XIRP2: variants seen among roughly 807,000 people sequenced by gnomAD.
XIRP2 encodes the protein xin actin-binding repeat-containing protein 2.
In XIRP2, 236 loss-of-function variants were observed where a neutral mutation model predicts 277.0. The ratio of observed to expected loss-of-function variants is 0.85; its 90% CI spans 0.77 to 0.95. The LOEUF is 0.95. Ranked by LOEUF, XIRP2 falls within the 40% of genes least tolerant of loss-of-function variation. XIRP2 has a pLI of 0.00. For synonymous variants in XIRP2, 1,490 were observed against 1,416.5 expected (o/e 1.05, Z -1.17); for missense variants, 4,640 against 4,157.5 (o/e 1.12, Z -3.19).
At chr2:167,092,808 A>T (rs1316161252) in intron 2 of XIRP2, among the ~76,000 whole-genome samples, 2 of 152,256 alleles carry the variant, frequency 1.3e-5, no homozygotes, top group African/African-American at 4.8e-5. Flanking sequence ...GTAGAGAGTG[A>T]TTTAAGCAAA....
intron 2 of XIRP2, among the ~76,000 whole-genome samples, chr2:166,963,493 G>C (rs76402658): frequency 7.2e-4 from 110 of 151,952 alleles, no homozygotes; most frequent in African/African-American, 2.6e-3. Flanking sequence ...TGTAAATGAA[G>C]AATAAAAATG....
chr2:167,070,948 T>A (rs1689423257), intron 2 of XIRP2, among the ~76,000 whole-genome samples: 1 of 152,202 alleles, frequency 6.6e-6, no homozygotes, highest in Admixed American at 6.5e-5. Context: ...CCACATTATA[T>A]TTCATTTAAA....
chr2:167,076,867 G>C (rs890971123), intron 2 of XIRP2, among the ~76,000 whole-genome samples: 7 of 152,062 alleles, frequency 4.6e-5, no homozygotes, highest in Admixed American at 1.3e-4. Context: ...GGTCTCACTC[G>C]GTCTCTTAGG....
chr2:167,176,700 G>A (rs778872920), intron 3 of XIRP2, among the ~76,000 whole-genome samples: 1 of 152,150 alleles, frequency 6.6e-6, no homozygotes, highest in Non-Finnish European at 1.5e-5. Flanking sequence ...TGTGGGGTAA[G>A]TCAATTTAGT....
chr2:166,962,565 C>G (rs1277471191), intron 2 of XIRP2, among the ~76,000 whole-genome samples: 2 of 151,616 alleles, frequency 1.3e-5, no homozygotes, highest in Non-Finnish European at 3.0e-5. Context: ...TTCAGACTTG[C>G]TTCATAAGCA....
chr2:166,995,370 C>A (rs775525948), intron 2 of XIRP2, among the ~76,000 whole-genome samples: 2 of 152,124 alleles, frequency 1.3e-5, no homozygotes, highest in Admixed American at 1.3e-4. Context: ...TTAAGTGGTA[C>A]TTTACCACAA....
intron 3 of XIRP2, among the ~76,000 whole-genome samples, chr2:167,145,101 T>C (rs897004595): frequency 1.3e-5 from 2 of 152,190 alleles, no homozygotes; most frequent in Non-Finnish European, 2.9e-5. Context: ...ATTTATTCTA[T>C]CTATAATTTT....
At chr2:166,928,836 C>T (rs899372679) in intron 2 of XIRP2, among the ~76,000 whole-genome samples, 2 of 152,034 alleles carry the variant, frequency 1.3e-5, no homozygotes, top group African/African-American at 4.8e-5. Flanking sequence ...CACTGCCTAT[C>T]AGGGTGATAG....
intron 2 of XIRP2, among the ~76,000 whole-genome samples, chr2:167,078,938 G>T (rs1689655347): frequency 6.6e-6 from 1 of 151,816 alleles, no homozygotes; most frequent in Admixed American, 6.6e-5. Flanking sequence ...TCTTGTTCCA[G>T]TTCTCAAGGG....
In XIRP2 at chr2:167,249,964, A is replaced by G. The variant is rs1301662226; in HGVS notation, c.8572A>G (p.Ile2858Val). 3.1e-6 allele frequency: 5 copies of G among 1,613,478 alleles called. No homozygotes were observed. The highest frequency in any genetic ancestry group is 2.2e-5 in the East Asian group (1 of 44,838). Residue 2858 changes from isoleucine to valine, a missense_variant, in exon 9 of 11, where the codon ATC becomes GTC. Transcript: ENST00000409195. ...SAPKVVKQKVIDAHLDSQTQN... is the reference protein window; with the variant it reads ...SAPKVVKQKVVDAHLDSQTQN... ...ACCAAAGGTCGTCAAGCAAAAGGTT[A>G]TCGATGCACATCTTGATTCACAGAC...
At chr2:167,234,185 C>A (rs558123120) in intron 5 of XIRP2, among the ~76,000 whole-genome samples, 8 of 151,462 alleles carry the variant, frequency 5.3e-5, no homozygotes, top group Middle Eastern at 6.8e-3. Context: ...CAATTATTTT[C>A]TTTATTAAAA....
intron 5 of XIRP2, among the ~76,000 whole-genome samples, chr2:167,225,234 AT>A (rs1694557224): frequency 6.6e-6 from 1 of 152,202 alleles, no homozygotes; most frequent in Admixed American, 6.5e-5. Context: ...AAACAATATA[AT>A]TAATATACAA....
At chr2:166,909,099 G>C (rs1435788660) in intron 2 of XIRP2, among the ~76,000 whole-genome samples, 1 of 152,100 alleles carries the variant, frequency 6.6e-6, no homozygotes, top group Non-Finnish European at 1.5e-5. Flanking sequence ...TGGCAATGTG[G>C]GCCCTTTTTT....
chr2:166,976,711 T>C (rs1169186765), intron 2 of XIRP2, among the ~76,000 whole-genome samples: 1 of 151,988 alleles, frequency 6.6e-6, no homozygotes, highest in South Asian at 2.1e-4. Flanking sequence ...CTTACAGTGT[T>C]ATTCTTAAAA....
intron 2 of XIRP2, among the ~76,000 whole-genome samples, chr2:167,110,558 C>G (rs1478522996): frequency 1.3e-5 from 2 of 152,154 alleles, no homozygotes; most frequent in African/African-American, 4.8e-5. Context: ...CAGTAGCATG[C>G]TGCCTTGGTT....
At chr2:166,946,587 T>C (rs1685872129) in intron 2 of XIRP2, among the ~76,000 whole-genome samples, 1 of 152,136 alleles carries the variant, frequency 6.6e-6, no homozygotes, top group African/African-American at 2.4e-5. Context: ...ATCATTTTAC[T>C]CAAAGATTTG....
In XIRP2 at chr2:167,247,337, G is replaced by C. The variant is rs574779244; in HGVS notation, c.5945G>C (p.Gly1982Ala). The change falls in exon 9 of 11, where the codon GGT (glycine) becomes GCT (alanine). Residue 1982 changes from glycine (G) to alanine (A), a missense_variant. Gly to Ala is a moderately conservative substitution (Grantham distance 60, BLOSUM62 0). Coordinates refer to ENST00000409195, the MANE Select transcript of XIRP2 (RefSeq NM_152381.6). ...NKNSLLQPKP[G>A]PFEPAAKWQG... ...AATAGTCTTCTTCAGCCAAAGCCAG[G>C]TCCATTTGAGCCAGCGGCCAAGTGG... is the stretch of plus-strand genomic sequence containing the variant. 6.2e-7 allele frequency: 1 copy of C among 1,613,720 alleles called. No homozygotes were observed. Among genetic ancestry groups the C allele is most frequent in the Non-Finnish European group, 8.5e-7 (1 of 1,179,806 alleles).
intron 2 of XIRP2, among the ~76,000 whole-genome samples, chr2:167,090,536 G>A (rs1390322504): frequency 1.3e-5 from 2 of 151,964 alleles, no homozygotes; most frequent in East Asian, 3.9e-4. Context: ...TAAGATATTT[G>A]TCTCAGTTCA....
rs182478567 is a variant in XIRP2, at chr2:166,987,316, A to C, written c.408+83426A>C. ...AGAGTAAACTAAGAAATAAAGTCCC[A>C]AAATAGACTGATCTTAATGAAAAGA... On this transcript the variant is annotated intron_variant, in intron 2 of 10. Coordinates refer to ENST00000409195, the MANE Select transcript of XIRP2 (RefSeq NM_152381.6). 3.7e-4 allele frequency among the ~76,000 whole-genome samples: 56 copies of C among 152,300 alleles called. No individual in the cohort carries two copies. The East Asian group carries it at 7.9e-3, about 22-fold the overall frequency.
Sources: allele counts gnomAD v4.1 joint callset (sites outside exome capture counted in the v4.1 genomes callset), GRCh38; gene constraint gnomAD v4.1.1; transcripts MANE v1.5; gene names NCBI Gene and HGNC (gene_info 2026-07-23, HGNC 2026-07-21).